ZSWIM4: variants seen among roughly 807,000 people sequenced by gnomAD.
ZSWIM4 encodes zinc finger SWIM domain-containing protein 4.
A neutral mutation model predicts 102.5 loss-of-function variants in ZSWIM4; 62 were observed. The ratio of observed to expected loss-of-function variants is 0.60; its 90% confidence interval spans 0.49 to 0.75. The LOEUF (loss-of-function observed/expected upper bound fraction) is 0.75, where lower values mean the gene tolerates loss of function less well. Ranked by LOEUF, ZSWIM4 falls within the 30% of genes least tolerant of loss-of-function variation. The pLI, the probability that ZSWIM4 is intolerant of heterozygous loss-of-function variation, is 0.00. For missense variants in ZSWIM4, 1,280 were observed against 1,529.6 expected, an observed-to-expected ratio of 0.84 and a Z score of 2.72; for synonymous variants, 652 against 674.5, an observed-to-expected ratio of 0.97 and a Z score of 0.52.
At chr19:13,812,623 C>CTTTTTTTT (rs545020943) in intron 5 of ZSWIM4, among the ~76,000 whole-genome samples, 39 of 130,374 alleles carry the variant, frequency 3.0e-4, no homozygotes, top group African/African-American at 1.1e-3. Flanking sequence ...TCATGCCTGG[C>CTTTTTTTT]TTTTTTTTTT....
intron 5 of ZSWIM4, among the ~76,000 whole-genome samples, chr19:13,810,611 TTTTTTC>T (rs1163621571): frequency 2.7e-5 from 4 of 149,272 alleles, no homozygotes; most frequent in African/African-American, 1.0e-4. Flanking sequence ...TTCTTTTTTC[TTTTTTC>T]TTTTTTTTTT....
intron 7 of ZSWIM4, 29 bp from the exon 8 acceptor site, chr19:13,817,187 G>C (rs752465746): frequency 6.3e-7 from 1 of 1,596,780 alleles, no homozygotes; most frequent in East Asian, 2.2e-5. Flanking sequence ...CAGGTGTGTG[G>C]GCATTGAGCC....
In ZSWIM4 at chr19:13,795,762, C is replaced by T. The variant is rs1599572611; in HGVS notation, c.114C>T (p.Leu38=). ...GRGRPEALLD[L]SAKRVAESWA... ...GCCGGCCCGAGGCGCTGCTGGACCT[C>T]AGCGCCAAGCGGGTAGCCGAGAGCT... The change falls in exon 1 of 14, where the codon CTC becomes CTT. Residue 38 remains leucine, a synonymous_variant. Coordinates refer to ENST00000590508, the MANE Select transcript of ZSWIM4 (RefSeq NM_001367834.3). The T allele has an allele frequency of 8.0e-7, 1 of 1,244,772 alleles. No individual in the cohort carries two copies. Among genetic ancestry groups the T allele is most frequent in the Non-Finnish European group, 1.0e-6 (1 of 994,058 alleles). The allele number at this position is 1,244,772 out of a possible 1,614,324, so 77.1% of individuals were successfully genotyped here. A position where few individuals can be genotyped will look rare whatever the true frequency, so the allele number is the denominator to read the frequency against.
rs1246749151 is a variant in ZSWIM4, at chr19:13,819,622, G to A, written c.2060+130G>A. ...AGTTAATTCAGTCTCTCTCACCCTG[G>A]CATTTGATGATGCCATGTGCTTTTC... On this transcript the variant is annotated intron_variant, in intron 10 of 13. Transcript: ENST00000590508. 18 of 914,026 alleles carry A rather than the reference G, an allele frequency of 2.0e-5. 1 individual carries two copies. The South Asian group carries it at 4.1e-4, about 21-fold the overall frequency. 56.6% of individuals were successfully genotyped at this position (914,026 alleles called of 1,614,324 possible). A position where few individuals can be genotyped will look rare whatever the true frequency, so the allele number is the denominator to read the frequency against.
At chr19:13,799,571 C>T (rs780241084) in intron 1 of ZSWIM4, 149 bp from the exon 2 acceptor site, 25 of 751,140 alleles carry the variant, frequency 3.3e-5, no homozygotes, top group East Asian at 5.4e-5. Flanking sequence ...CCATCGTGCC[C>T]GGCCAGTTTT....
chr19:13,828,877 G>T (rs190569233), intron 13 of ZSWIM4, 151 bp downstream of exon 13: 39 of 664,614 alleles, frequency 5.9e-5, no homozygotes, highest in Admixed American at 2.9e-4. Flanking sequence ...AAAGCGGGAG[G>T]ATCACTTGAG....
At chr19:13,807,999 G>A (rs1188637764) in intron 3 of ZSWIM4, among the ~76,000 whole-genome samples, 2 of 152,090 alleles carry the variant, frequency 1.3e-5, no homozygotes, top group African/African-American at 4.8e-5. Flanking sequence ...CAATCATGGC[G>A]GAAGGTGAAG....
At chr19:13,811,364 C>T (rs965733475) in intron 5 of ZSWIM4, among the ~76,000 whole-genome samples, 1 of 152,006 alleles carries the variant, frequency 6.6e-6, no homozygotes, top group Non-Finnish European at 1.5e-5. Flanking sequence ...TTCAATAAAA[C>T]TTTATTTAAG....
intron 9 of ZSWIM4, among the ~76,000 whole-genome samples, chr19:13,818,917 G>GC (rs1229017617): frequency 3.5e-5 from 5 of 143,454 alleles, no homozygotes; most frequent in African/African-American, 1.3e-4. Flanking sequence ...AGGTTGGAGT[G>GC]CAGTGGCGCA....
chr19:13,829,500 A>T (rs544220889), intron 13 of ZSWIM4, among the ~76,000 whole-genome samples: 1 of 152,148 alleles, frequency 6.6e-6, no homozygotes, highest in African/African-American at 2.4e-5. Flanking sequence ...CTGAGGCAGG[A>T]GAATTGCTGG....
chr19:13,804,646 C>CA (rs55747876), intron 2 of ZSWIM4, 146 bp from the exon 3 acceptor site: 45,207 of 558,804 alleles, frequency 0.081, 128 homozygotes, highest in Non-Finnish European at 0.088. Flanking sequence ...GATTTTGTTT[C>CA]AAAAAAAAAA....
chr19:13,795,589 G>C lies in ZSWIM4; in HGVS notation c.-60G>C. ...GGCGCGGGAGCCGGCGAAGCGGAGC[G>C]GGCATCGGACCGAGCCCCCCAAAGA... On this transcript the variant is annotated 5_prime_UTR_variant, in exon 1 of 14. Transcript: ENST00000590508. 3.8e-6 allele frequency: 1 copy of C among 266,330 alleles called. No individual in the cohort carries two copies. The highest frequency in any genetic ancestry group is 6.8e-6 in the Non-Finnish European group (1 of 146,434). 16.5% of individuals were successfully genotyped at this position (266,330 alleles called of 1,614,324 possible).
At chr19:13,802,596 G>A (rs1179098359) in intron 2 of ZSWIM4, among the ~76,000 whole-genome samples, 2 of 151,266 alleles carry the variant, frequency 1.3e-5, no homozygotes, top group Non-Finnish European at 1.5e-5. Flanking sequence ...AAAAAAAAAG[G>A]GAGATAGGGT....
rs1216595254 is a variant in ZSWIM4 at position 13,795,723 on chromosome 19, C to G, written c.75C>G (p.Ala25=). 1 of 1,212,884 alleles carries G rather than the reference C, an allele frequency of 8.2e-7. No homozygotes were observed. Among genetic ancestry groups the G allele is most frequent in the Non-Finnish European group, 1.0e-6 (1 of 974,340 alleles). 75.1% of individuals were successfully genotyped at this position (1,212,884 alleles called of 1,614,324 possible). Residue 25 remains alanine (A), a synonymous_variant, in exon 1 of 14, where the codon GCC becomes GCG. Coordinates refer to ENST00000590508, the MANE Select transcript of ZSWIM4 (RefSeq NM_001367834.3). ...GPEERDAGAG[A]ARGRGRPEAL... is the part of the protein sequence containing the mutation. ...AGGAGCGCGATGCCGGGGCCGGGGC[C>G]GCGCGTGGCCGGGGCCGGCCCGAGG...
intron 13 of ZSWIM4, 37 bp from the exon 14 acceptor site, chr19:13,830,154 C>T (rs757773432): frequency 5.0e-6 from 8 of 1,587,710 alleles, no homozygotes; most frequent in African/African-American, 4.0e-5. Flanking sequence ...TGTCTGCCCC[C>T]GCTCCTGACG....
chr19:13,822,234 G>T (rs933003278), intron 10 of ZSWIM4, among the ~76,000 whole-genome samples: 1 of 149,652 alleles, frequency 6.7e-6, no homozygotes, highest in Admixed American at 6.7e-5. Context: ...AGAATATTTA[G>T]AAAGAACAGC....
intron 10 of ZSWIM4, among the ~76,000 whole-genome samples, chr19:13,819,996 C>T (rs1026244374): frequency 6.6e-6 from 1 of 152,074 alleles, no homozygotes; most frequent in Non-Finnish European, 1.5e-5. Context: ...GCTGGGACCA[C>T]AGGCGCCCGC....
intron 3 of ZSWIM4, among the ~76,000 whole-genome samples, chr19:13,807,754 CATGGATGGATGGATGG>C (rs368459784): frequency 1.2e-4 from 17 of 139,218 alleles, no homozygotes; most frequent in African/African-American, 4.2e-4. Context: ...TGGATGGATG[CATGGATGGATGGATGG>C]ATGGATGGAT....
intron 11 of ZSWIM4, among the ~76,000 whole-genome samples, chr19:13,824,074 G>A (rs907349072): frequency 2.6e-5 from 4 of 151,004 alleles, no homozygotes; most frequent in Non-Finnish European, 5.9e-5. Flanking sequence ...GAGAGAGAGA[G>A]AGGGAGAAAG....
Sources: allele counts gnomAD v4.1 joint callset (sites outside exome capture counted in the v4.1 genomes callset), GRCh38; gene constraint gnomAD v4.1.1; transcripts MANE v1.5; gene names NCBI Gene and HGNC (gene_info 2026-07-23, HGNC 2026-07-21).